Variants in ACOT12 observed in about 807,000 individuals in gnomAD.
ACOT12 encodes the protein acyl-CoA thioesterase 12, also known as acetyl-coenzyme A thioesterase.
A neutral mutation model predicts 67.7 loss-of-function variants in ACOT12; 51 were observed. That is an observed-to-expected ratio of 0.75 (90% CI 0.60 to 0.95). The LOEUF (loss-of-function observed/expected upper bound fraction) is 0.95, where lower values mean the gene tolerates loss of function less well. Ranked by LOEUF, ACOT12 falls within the 40% of genes least tolerant of loss-of-function variation. ACOT12 has a pLI of 0.00. For missense variants in ACOT12, 734 were observed against 708.1 expected (o/e 1.04, Z -0.41); for synonymous variants, 251 against 244.6 (o/e 1.03, Z -0.24).
chr5:81,349,002 C>T (rs1306924809), intron 5 of ACOT12, among the ~76,000 whole-genome samples: 3 of 152,200 alleles, frequency 2.0e-5, no homozygotes, highest in East Asian at 3.8e-4. Context: ...AGTGAACCAC[C>T]GGCTAGGTTT....
chr5:81,331,525 T>C (rs1334770200), intron 13 of ACOT12, among the ~76,000 whole-genome samples: 3 of 152,086 alleles, frequency 2.0e-5, no homozygotes, highest in African/African-American at 7.2e-5. Flanking sequence ...CAACACATCA[T>C]CTAAAATAAT....
chr5:81,349,367 G>C (rs1034500730), intron 5 of ACOT12, among the ~76,000 whole-genome samples: 31 of 152,184 alleles, frequency 2.0e-4, no homozygotes, highest in African/African-American at 6.7e-4. Flanking sequence ...CTGCATTCCT[G>C]GTCTGGCCTC....
At chr5:81,345,245 C>A (rs1269101232) in intron 7 of ACOT12, among the ~76,000 whole-genome samples, 2 of 152,104 alleles carry the variant, frequency 1.3e-5, no homozygotes, top group South Asian at 2.1e-4. Context: ...TTTTTACAAG[C>A]CCCTAAGAGC....
At chr5:81,331,027 T>G in intron 13 of ACOT12, 87 bp from the exon 14 acceptor site, 1 of 1,411,866 alleles carries the variant, frequency 7.1e-7, no homozygotes, top group Non-Finnish European at 9.4e-7. Context: ...AATTTACTTA[T>G]ACAGGTAGAA....
chr5:81,343,680 T>C (rs1759276499), intron 10 of ACOT12, 138 bp downstream of exon 10: 1 of 811,628 alleles, frequency 1.2e-6, no homozygotes, highest in Non-Finnish European at 1.9e-6. Context: ...TTTTGTTTCA[T>C]CTTGACATGA....
intron 3 of ACOT12, among the ~76,000 whole-genome samples, chr5:81,366,141 C>T (rs529122737): frequency 1.3e-5 from 2 of 152,158 alleles, no homozygotes; most frequent in Non-Finnish European, 2.9e-5. Context: ...TAAAGTAGCC[C>T]TAAAGTAGAG....
At chr5:81,387,848 T>C (rs1167217805) in intron 1 of ACOT12, among the ~76,000 whole-genome samples, 2 of 152,110 alleles carry the variant, frequency 1.3e-5, no homozygotes, top group Non-Finnish European at 2.9e-5. Context: ...CCCGGCTGAG[T>C]TATCAATTTT....
rs896169195 is a variant in ACOT12 at position 81,343,721 on chromosome 5, C to A, written c.1044+97G>T. 6.2e-5 allele frequency: 73 copies of A among 1,177,504 alleles called. 1 individual carries two copies. The Middle Eastern group carries it at 7.8e-4, about 13-fold the overall frequency. 72.9% of individuals were successfully genotyped at this position (1,177,504 alleles called of 1,614,324 possible). On this transcript the variant is annotated intron_variant, in intron 10 of 14. Coordinates refer to ENST00000307624, the MANE Select transcript of ACOT12 (RefSeq NM_130767.3). ...TGATATAATCCACCTTTTCACATAG[C>A]CTGCGTAGGCACAGCCTAGGCCAGT...
intron 1 of ACOT12, among the ~76,000 whole-genome samples, chr5:81,387,793 C>T (rs1760770052): frequency 6.6e-6 from 1 of 152,152 alleles, no homozygotes; most frequent in Non-Finnish European, 1.5e-5. Context: ...GATCCTCCTG[C>T]CTTGGCCCCT....
intron 2 of ACOT12, among the ~76,000 whole-genome samples, chr5:81,378,464 A>T (rs933243885): frequency 1.3e-4 from 20 of 152,258 alleles, no homozygotes; most frequent in African/African-American, 4.8e-4. Flanking sequence ...AGCAATGGCA[A>T]CAAAAGCCAA....
At chr5:81,366,909 C>T (rs1760098232) in intron 3 of ACOT12, among the ~76,000 whole-genome samples, 2 of 152,026 alleles carry the variant, frequency 1.3e-5, no homozygotes, top group African/African-American at 4.8e-5. Flanking sequence ...CCGTGGAACA[C>T]TAACAAGAAG....
At position 81,365,251 on chromosome 5, in the gene ACOT12, G is replaced by A. The variant is rs561838704; in HGVS notation, c.259-1362C>T. ...ATGTTATCAACGATAAAGAATATCC[G>A]TATCTGTATCTTTACTGTGTACACC... On this transcript the variant is annotated intron_variant, in intron 3 of 14. Coordinates refer to ENST00000307624, the MANE Select transcript of ACOT12 (RefSeq NM_130767.3). Among the ~76,000 whole-genome samples the A allele has an allele frequency of 5.5e-4, 83 of 152,192 alleles. No homozygotes were observed. In the Middle Eastern group the frequency reaches 0.014, roughly 25 times the overall value.
At chr5:81,335,201 G>A (rs1006392289) in intron 12 of ACOT12, among the ~76,000 whole-genome samples, 12 of 152,152 alleles carry the variant, frequency 7.9e-5, no homozygotes, top group African/African-American at 1.7e-4. Context: ...ATCTTGGCAC[G>A]TCTCAGAACC....
At chr5:81,316,516 T>G in the ACOT12 span, among the ~76,000 whole-genome samples, 3 of 152,214 alleles carry the variant, frequency 2.0e-5, no homozygotes, top group African/African-American at 7.2e-5. Context: ...TGATGGGCAT[T>G]TGGGTGTTTG....
chr5:81,337,692 T>C (rs1561323374), intron 11 of ACOT12, among the ~76,000 whole-genome samples: 1 of 152,198 alleles, frequency 6.6e-6, no homozygotes, highest in Non-Finnish European at 1.5e-5. Context: ...AGATTGTCCC[T>C]CACAGGCTCA....
the ACOT12 span, among the ~76,000 whole-genome samples, chr5:81,319,252 C>G: frequency 1.3e-5 from 2 of 152,238 alleles, no homozygotes; most frequent in Non-Finnish European, 2.9e-5. Context: ...GGACATCCTT[C>G]TCCCTGTTGG....
intron 5 of ACOT12, 61 bp from the exon 6 acceptor site, chr5:81,347,991 CTTT>C: frequency 6.5e-7 from 1 of 1,539,212 alleles, no homozygotes; most frequent in Non-Finnish European, 8.8e-7. Context: ...GGGGCTCCAG[CTTT>C]TCCTTCCCGG....
chr5:81,319,616 C>T, the ACOT12 span, among the ~76,000 whole-genome samples: 1 of 151,966 alleles, frequency 6.6e-6, no homozygotes, highest in Non-Finnish European at 1.5e-5. Flanking sequence ...ACTTGGGTGG[C>T]CGAGGCAGGA....
downstream of ACOT12, among the ~76,000 whole-genome samples, chr5:81,327,219 C>T (rs71603583): frequency 0.01 from 1,418 of 138,700 alleles, 23 homozygotes; most frequent in African/African-American, 0.036. Context: ...CACACACACA[C>T]ACATATATAT....
Sources: allele counts gnomAD v4.1 joint callset (sites outside exome capture counted in the v4.1 genomes callset), GRCh38; gene constraint gnomAD v4.1.1; transcripts MANE v1.5; gene names NCBI Gene and HGNC (gene_info 2026-07-23, HGNC 2026-07-21).